Variants in GNAL observed in about 807,000 individuals in gnomAD.
The protein encoded by GNAL is G protein subunit alpha L, also known as guanine nucleotide-binding protein G(olf) subunit alpha.
Under a neutral mutation model 55.1 loss-of-function variants are expected in GNAL, and 18 were observed. The observed-to-expected ratio is 0.33, with a 90% CI of 0.23 to 0.48. GNAL has a LOEUF of 0.48. GNAL is among the 20% of genes least tolerant of loss of function. GNAL has a pLI of 0.99. For synonymous variants in GNAL, 253 were observed against 237.0 expected, an observed-to-expected ratio of 1.07 and a Z score of -0.62; for missense variants, 412 against 614.1, an observed-to-expected ratio of 0.67 and a Z score of 3.48.
intron 1 of GNAL, among the ~76,000 whole-genome samples, chr18:11,728,524 G>A (rs1184951281): frequency 6.6e-6 from 1 of 152,074 alleles, no homozygotes; most frequent in Admixed American, 6.5e-5. Context: ...GAGGCTCTGG[G>A]GGCTCATTGC....
At chr18:11,790,365 C>T (rs767982699) in intron 4 of GNAL, among the ~76,000 whole-genome samples, 1 of 152,088 alleles carries the variant, frequency 6.6e-6, no homozygotes, top group Non-Finnish European at 1.5e-5. Context: ...GTCAGCTCCT[C>T]ACGATTCCCC....
chr18:11,705,750 CTTT>C lies in GNAL; in HGVS notation c.376+15830_376+15832del, dbSNP rs749198189. Among the ~76,000 whole-genome samples, 554 of 118,330 alleles carry C rather than the reference CTTT, an allele frequency of 4.7e-3. 2 individuals carry two copies. The highest frequency in any genetic ancestry group is 0.016 in the African/African-American group (521 of 31,888). 77.6% of individuals were successfully genotyped at this position (118,330 alleles called of 152,430 possible). ...ATATACCTGCTGGACATTTCTATGT[CTTT>C]TTTTTTTTTTTTTTTTTTCTGAGAC... On this transcript the variant is annotated intron_variant, in intron 1 of 11. Transcript: ENST00000334049.
rs563161862 is a variant in GNAL at position 11,804,747 on chromosome 18, G to C, written c.625-20171G>C. 4.9e-4 allele frequency among the ~76,000 whole-genome samples: 64 copies of C among 131,000 alleles called. 6 individuals carry two copies. The highest frequency in any genetic ancestry group is 6.0e-4 in the Non-Finnish European group (38 of 63,468). The allele number at this position is 131,000 out of a possible 152,430, so 85.9% of individuals were successfully genotyped here. A position where few individuals can be genotyped will look rare whatever the true frequency, so the allele number is the denominator to read the frequency against. ...GGTTTGAGTGGGACACGGAGATACT[G>C]TGTAGTGGTGAAGTACAGGTGCAGT... On this transcript the variant is annotated intron_variant, in intron 4 of 11. Coordinates refer to ENST00000334049, the MANE Select transcript of GNAL (RefSeq NM_182978.4).
At chr18:11,879,126 A>G (rs1390834581) in intron 11 of GNAL, among the ~76,000 whole-genome samples, 2 of 149,616 alleles carry the variant, frequency 1.3e-5, no homozygotes, top group Non-Finnish European at 3.0e-5. Context: ...TATATTAAAA[A>G]TATATATATA....
At chr18:11,787,139 A>C (rs532956108) in intron 4 of GNAL, among the ~76,000 whole-genome samples, 2 of 152,328 alleles carry the variant, frequency 1.3e-5, no homozygotes, top group African/African-American at 4.8e-5. Context: ...TTAGACCAAC[A>C]GTCATGAAAA....
At position 11,752,437 on chromosome 18, in the gene GNAL, G is replaced by A. The variant is rs146600265; in HGVS notation, c.377-416G>A. On this transcript the variant is annotated intron_variant, in intron 1 of 11. Transcript: ENST00000334049. This position sits in a 1 kb window ranked among gnomAD's most constrained non-coding sequence, Gnocchi z 4.5. ...ACGTCCATCCCAGCGGGCAGGCATG[G>A]GGTGTTTGGGCGGCAACAGCAAGAC... 6.2e-7 allele frequency: 1 copy of A among 1,610,132 alleles called. No individual in the cohort carries two copies. The highest frequency in any genetic ancestry group is 8.5e-7 in the Non-Finnish European group (1 of 1,178,430).
intron 4 of GNAL, among the ~76,000 whole-genome samples, chr18:11,811,942 C>T (rs1315049212): frequency 6.6e-6 from 1 of 152,068 alleles, no homozygotes; most frequent in African/African-American, 2.4e-5. Flanking sequence ...ATCTTTTTTC[C>T]CTGATGAAAA....
chr18:11,693,038 G>T (rs1215990290), intron 1 of GNAL, among the ~76,000 whole-genome samples: 1 of 148,012 alleles, frequency 6.8e-6, no homozygotes, highest in Admixed American at 6.6e-5. Flanking sequence ...TTTTTAAAGG[G>T]GGGAGAGTTG....
chr18:11,779,793 AC>A (rs1244756504), intron 4 of GNAL, among the ~76,000 whole-genome samples: 1 of 152,112 alleles, frequency 6.6e-6, no homozygotes, highest in Admixed American at 6.5e-5. Context: ...TATCCACCAA[AC>A]TTTTGCTGAG....
intron 4 of GNAL, among the ~76,000 whole-genome samples, chr18:11,763,990 ACT>A (rs1355992214): frequency 2.6e-5 from 4 of 152,128 alleles, no homozygotes; most frequent in African/African-American, 9.7e-5. Context: ...TGTGATGTTA[ACT>A]CTGGTCACTA....
At position 11,768,799 on chromosome 18, in the gene GNAL, C is replaced by A. The variant is rs1188990574; in HGVS notation, c.624+14854C>A. On this transcript the variant is annotated intron_variant, in intron 4 of 11. Transcript: ENST00000334049. ...GTCCCAGCTACTCGGGAGGCTGAGGCAGGAGAATGGTGTGAACCCGGGAGG... is the reference window on the plus strand; with the variant it reads ...GTCCCAGCTACTCGGGAGGCTGAGGAAGGAGAATGGTGTGAACCCGGGAGG... Among the ~76,000 whole-genome samples, 6 of 146,558 alleles carry A rather than the reference C, an allele frequency of 4.1e-5. No individual in the cohort carries two copies. The Admixed American group carries it at 4.3e-4, about 10-fold the overall frequency.
At chr18:11,782,337 A>G (rs1032559761) in intron 4 of GNAL, among the ~76,000 whole-genome samples, 9 of 152,160 alleles carry the variant, frequency 5.9e-5, no homozygotes, top group African/African-American at 2.2e-4. Context: ...AAGAAAAAGA[A>G]AAAGAATGAA....
intron 1 of GNAL, among the ~76,000 whole-genome samples, chr18:11,702,819 T>TA (rs5823170): frequency 0.94 from 135,538 of 144,206 alleles, 63,662 homozygotes; most frequent in South Asian, 0.98. Flanking sequence ...CCTTCCCACT[T>TA]AAAAAAAAAA....
At chr18:11,855,096 T>TTTG (rs957562815) in intron 5 of GNAL, among the ~76,000 whole-genome samples, 36 of 151,804 alleles carry the variant, frequency 2.4e-4, no homozygotes, top group African/African-American at 6.3e-4. Flanking sequence ...AATTTTTGTT[T>TTTG]TTGTTGTTGT....
intron 4 of GNAL, among the ~76,000 whole-genome samples, chr18:11,822,305 C>CAA (rs2035118964): frequency 6.6e-6 from 1 of 152,132 alleles, no homozygotes; most frequent in Non-Finnish European, 1.5e-5. Flanking sequence ...TCAAAACAAA[C>CAA]AAACGAACAA....
chr18:11,844,339 C>T (rs1401682252), intron 5 of GNAL, among the ~76,000 whole-genome samples: 2 of 152,110 alleles, frequency 1.3e-5, no homozygotes, highest in Admixed American at 6.5e-5. Flanking sequence ...GAGGCTGAGG[C>T]AGGAGAATCG....
intron 1 of GNAL, chr18:11,702,364 C>T (rs2031593363): frequency 6.6e-6 from 1 of 152,354 alleles, no homozygotes; most frequent in Non-Finnish European, 1.5e-5. Context: ...CTGTCACCCT[C>T]AGAGGGTGGT....
intron 5 of GNAL, among the ~76,000 whole-genome samples, chr18:11,861,097 C>G (rs558020171): frequency 6.6e-6 from 1 of 152,312 alleles, no homozygotes; most frequent in South Asian, 2.1e-4. Context: ...GGGCACATGT[C>G]TGCTGCCTCT....
rs1462158401 is a variant in GNAL, at chr18:11,855,191, CG to C, written c.723-7202del. On this transcript the variant is annotated intron_variant, in intron 5 of 11. Transcript: ENST00000334049. ...TGACCCTCAAGTGATCCGCCTGCCTCGGCCTCCCAAAGTGCTGGGATTACAG... is the reference window on the plus strand; with the variant it reads ...TGACCCTCAAGTGATCCGCCTGCCTCGCCTCCCAAAGTGCTGGGATTACAG... Among the ~76,000 whole-genome samples the C allele has an allele frequency of 2.6e-5, 4 of 152,302 alleles. No homozygotes were observed. The East Asian group carries it at 7.7e-4, about 29-fold the overall frequency.
Sources: gnomAD v4.1 joint callset for allele counts (sites outside exome capture counted in the v4.1 genomes callset) on GRCh38, gnomAD v4.1.1 for gene constraint, Gnocchi (gnomAD v3.1) non-coding constraint, MANE v1.5 for transcripts, NCBI Gene and HGNC (gene_info 2026-07-23, HGNC 2026-07-21) for gene names.